The following PPP2R3A variants were observed in gnomAD, a reference collection of about 807,000 sequenced individuals.
PPP2R3A encodes protein phosphatase 2 regulatory subunit B''alpha.
PPP2R3A carries 80 observed loss-of-function variants against 106.9 expected under a neutral mutation model. That is an observed-to-expected ratio of 0.75 (90% confidence interval 0.62 to 0.90). The LOEUF is 0.90. PPP2R3A is among the 40% of genes least tolerant of loss of function. PPP2R3A has a pLI of 0.00. For synonymous variants in PPP2R3A, 483 were observed against 468.3 expected, an observed-to-expected ratio of 1.03 and a Z score of -0.41; for missense variants, 1,386 against 1,350.4, an observed-to-expected ratio of 1.03 and a Z score of -0.41.
chr3:136,027,070 A>C lies in PPP2R3A; in HGVS notation c.2234A>C (p.Asp745Ala). The change falls in exon 3 of 14, where the codon GAC becomes GCC. Residue 745 changes from aspartate (D) to alanine (A), a missense_variant. Transcript: ENST00000264977. ...AFMDIEEQKA[D>A]IYEMGKIAKV... ...ATGGATATTGAAGAACAGAAAGCAG[A>C]CATTTATGAAATGGGGAAAATTGCA... 6.2e-7 allele frequency: 1 copy of C among 1,613,310 alleles called. No individual in the cohort carries two copies. Among genetic ancestry groups the C allele is most frequent in the African/African-American group, 1.3e-5 (1 of 74,990 alleles).
intron 5 of PPP2R3A, among the ~76,000 whole-genome samples, chr3:136,061,222 TCTAA>T (rs1936064900): frequency 6.6e-6 from 1 of 152,114 alleles, no homozygotes; most frequent in Non-Finnish European, 1.5e-5. Context: ...AATTTTAATA[TCTAA>T]CTAATTGGAG....
At chr3:135,993,970 T>A (rs186554690) in intron 1 of PPP2R3A, among the ~76,000 whole-genome samples, 22 of 152,308 alleles carry the variant, frequency 1.4e-4, no homozygotes, top group Middle Eastern at 3.4e-3. Context: ...AGGGATAATT[T>A]TGCGGTGATA....
chr3:136,011,854 G>C (rs778695818), intron 2 of PPP2R3A, among the ~76,000 whole-genome samples: 6 of 152,136 alleles, frequency 3.9e-5, no homozygotes, highest in Non-Finnish European at 5.9e-5. Context: ...GCATCCAAGA[G>C]ACGTATTTGT....
intron 9 of PPP2R3A, among the ~76,000 whole-genome samples, chr3:136,089,563 G>T (rs977799756): frequency 6.6e-6 from 1 of 151,358 alleles, no homozygotes. Context: ...TTAGCTATTG[G>T]GACTTTGTTT....
Position 136,081,658 on chromosome 3 carries a change from A to G in PPP2R3A, c.2632-607A>G, listed in dbSNP as rs139850804. ...CACTTACATAATAATTTGGCTGACA[A>G]CAGAATTGTGGGTTCAGTATCATTG... On this transcript the variant is annotated intron_variant, in intron 7 of 13. Transcript: ENST00000264977. Among the ~76,000 whole-genome samples the G allele has an allele frequency of 4.9e-3, 743 of 152,176 alleles. 7 individuals are homozygous for G. Among genetic ancestry groups the G allele is most frequent in the African/African-American group, 0.017 (705 of 41,514 alleles).
chr3:136,131,076 A>T (rs547791773), intron 13 of PPP2R3A, among the ~76,000 whole-genome samples: 17 of 152,334 alleles, frequency 1.1e-4, no homozygotes, highest in African/African-American at 4.1e-4. Flanking sequence ...AACCTAGGCA[A>T]TACCATTCAG....
At chr3:136,118,356 A>C (rs771653511) in intron 13 of PPP2R3A, among the ~76,000 whole-genome samples, 1 of 152,242 alleles carries the variant, frequency 6.6e-6, no homozygotes, top group Non-Finnish European at 1.5e-5. Context: ...TATTCAACAT[A>C]GTATTTGAAG....
At chr3:136,071,684 T>C (rs1234471019) in intron 6 of PPP2R3A, among the ~76,000 whole-genome samples, 1 of 152,194 alleles carries the variant, frequency 6.6e-6, no homozygotes, top group Non-Finnish European at 1.5e-5. Flanking sequence ...GCTCAAACCC[T>C]GCAGTAGTTT....
chr3:136,106,465 G>T (rs1937518557), intron 13 of PPP2R3A, 143 bp downstream of exon 13: 4 of 679,948 alleles, frequency 5.9e-6, no homozygotes, highest in East Asian at 2.8e-5. Context: ...TTAGTTAAAT[G>T]ATTATTTTTT....
intron 13 of PPP2R3A, chr3:136,106,958 A>C: frequency 6.6e-6 from 1 of 150,998 alleles, no homozygotes; most frequent in African/African-American, 2.4e-5. Flanking sequence ...AAAAAAACTA[A>C]AGCTCCTTCA....
At chr3:135,982,335 T>C (rs1442251326) in intron 1 of PPP2R3A, among the ~76,000 whole-genome samples, 1 of 152,156 alleles carries the variant, frequency 6.6e-6, no homozygotes, top group African/African-American at 2.4e-5. Context: ...AACAAACTCT[T>C]GTTGGGCCTC....
intron 13 of PPP2R3A, among the ~76,000 whole-genome samples, chr3:136,138,144 T>TAATA (rs1291836947): frequency 6.6e-6 from 1 of 152,212 alleles, no homozygotes; most frequent in East Asian, 1.9e-4. Flanking sequence ...TTTTAATGCT[T>TAATA]AATAAACAGA....
intron 2 of PPP2R3A, among the ~76,000 whole-genome samples, chr3:136,004,669 T>C (rs1401809493): frequency 1.3e-5 from 2 of 152,184 alleles, no homozygotes; most frequent in Non-Finnish European, 2.9e-5. Flanking sequence ...TTGAGATACA[T>C]ACATTTTTAC....
In PPP2R3A at chr3:136,082,264, G is replaced by A. The variant is rs1280651766; in HGVS notation, c.2632-1G>A. ...AAATTCTTCTTTTCATATAATTTCA[G>A]ACCCTAGCACTTTTGGAAGAAGAGG... On this transcript the variant is annotated splice_acceptor_variant, in intron 7 of 13. Coordinates refer to ENST00000264977, the MANE Select transcript of PPP2R3A (RefSeq NM_002718.5). LOFTEE classifies it high-confidence loss of function. 1 of 1,576,812 alleles carries A rather than the reference G, an allele frequency of 6.3e-7. No homozygotes were observed. The highest frequency in any genetic ancestry group is 2.2e-5 in the East Asian group (1 of 44,666).
intron 1 of PPP2R3A, among the ~76,000 whole-genome samples, chr3:135,999,618 C>T (rs1331215206): frequency 6.6e-6 from 1 of 151,994 alleles, no homozygotes; most frequent in East Asian, 1.9e-4. Context: ...GGTGCTACCC[C>T]TTGAGGTTTG....
At chr3:136,077,913 A>G (rs1936648672) in intron 6 of PPP2R3A, among the ~76,000 whole-genome samples, 1 of 152,240 alleles carries the variant, frequency 6.6e-6, no homozygotes, top group African/African-American at 2.4e-5. Context: ...TCAAGACTCA[A>G]GTGAATAAGG....
At chr3:136,005,582 G>A (rs1269353854) in intron 2 of PPP2R3A, among the ~76,000 whole-genome samples, 1 of 152,094 alleles carries the variant, frequency 6.6e-6, no homozygotes, top group Non-Finnish European at 1.5e-5. Context: ...CAACACTAGG[G>A]GAGAAACTTG....
chr3:136,080,155 G>T (rs1373605571), intron 7 of PPP2R3A, among the ~76,000 whole-genome samples: 1 of 151,980 alleles, frequency 6.6e-6, no homozygotes, highest in Non-Finnish European at 1.5e-5. Context: ...TCTTAACTTG[G>T]TTTTTTCACT....
At chr3:135,976,863 G>A (rs1937434544) in intron 1 of PPP2R3A, among the ~76,000 whole-genome samples, 1 of 152,048 alleles carries the variant, frequency 6.6e-6, no homozygotes. Flanking sequence ...AATAGTGTGA[G>A]GGAAGAATCT....
Sources: allele counts gnomAD v4.1 joint callset (sites outside exome capture counted in the v4.1 genomes callset), GRCh38; gene constraint gnomAD v4.1.1; transcripts MANE v1.5; gene names NCBI Gene and HGNC (gene_info 2026-07-23, HGNC 2026-07-21).